The following ST7 variants were observed in gnomAD, a reference collection of about 807,000 sequenced individuals.
ST7 encodes suppression of tumorigenicity 7, also known as suppressor of tumorigenicity 7 protein.
ST7 carries 28 observed loss-of-function variants against 78.7 expected under a neutral mutation model. The ratio of observed to expected loss-of-function variants is 0.36; its 90% confidence interval spans 0.26 to 0.49. The LOEUF (loss-of-function observed/expected upper bound fraction) is 0.49. ST7 is among the 20% of genes least tolerant of loss of function. The pLI is 0.99. For synonymous variants in ST7, 247 were observed against 249.6 expected, an observed-to-expected ratio of 0.99 and a Z score of 0.10; for missense variants, 418 against 696.0, an observed-to-expected ratio of 0.60 and a Z score of 4.49.
chr7:117,157,394 G>T (rs1481665757), intron 9 of ST7, among the ~76,000 whole-genome samples: 5 of 152,214 alleles, frequency 3.3e-5, no homozygotes, highest in Admixed American at 3.3e-4. Flanking sequence ...TTCCAGGAGG[G>T]TTCAGTGGAA....
intron 1 of ST7, among the ~76,000 whole-genome samples, chr7:116,999,815 T>TC (rs1794840032): frequency 2.1e-5 from 3 of 141,722 alleles, no homozygotes; most frequent in Non-Finnish European, 3.1e-5. Context: ...TTTCTTTTTT[T>TC]TTTTTTTTTT....
chr7:117,070,787 C>T (rs1210454605), intron 1 of ST7, among the ~76,000 whole-genome samples: 1 of 152,038 alleles, frequency 6.6e-6, no homozygotes, highest in Admixed American at 6.5e-5. Context: ...TTGTGATCCG[C>T]CCGCCTCGGC....
chr7:117,118,151 T>C (rs1803048451), intron 2 of ST7, among the ~76,000 whole-genome samples: 1 of 152,228 alleles, frequency 6.6e-6, no homozygotes, highest in African/African-American at 2.4e-5. Flanking sequence ...CTCCAAAATC[T>C]GAAACTTTTT....
intron 9 of ST7, among the ~76,000 whole-genome samples, chr7:117,149,846 A>T (rs1806113752): frequency 6.6e-6 from 1 of 152,040 alleles, no homozygotes; most frequent in African/African-American, 2.4e-5. Flanking sequence ...CTATCTAGGG[A>T]TGATTGCCTG....
At position 117,098,799 on chromosome 7, in the gene ST7, C is replaced by T. The variant is rs1005194514; in HGVS notation, c.152-963C>T. 3.8e-6 allele frequency: 5 copies of T among 1,301,944 alleles called. No individual in the cohort carries two copies. In the African/African-American group the frequency reaches 7.6e-5, roughly 20 times the overall value. The allele number at this position is 1,301,944 out of a possible 1,614,324, so 80.6% of individuals were successfully genotyped here. On this transcript the variant is annotated intron_variant, in intron 1 of 15. Transcript: ENST00000323984. The stretch of plus-strand genomic sequence containing the variant: ...CAGATTCAGTAAAGAAATGTGAATA[C>T]TCCCACAAAAAGCCCAGTAAGTATG...
intron 1 of ST7, among the ~76,000 whole-genome samples, chr7:117,099,062 A>AAAAAAAAAAAAAAAAAAAAG (rs1801357578): frequency 7.0e-6 from 1 of 142,456 alleles, no homozygotes; most frequent in African/African-American, 2.7e-5. Context: ...AAAAAAAAAA[A>AAAAAAAAAAAAAAAAAAAAG]AAACAAAAAA....
intron 2 of ST7, chr7:117,117,788 C>T (rs1324724103): frequency 1.3e-5 from 2 of 152,118 alleles, no homozygotes; most frequent in Non-Finnish European, 2.9e-5. Flanking sequence ...GCAGCAGGCA[C>T]CGACTTAGGT....
intron 1 of ST7, among the ~76,000 whole-genome samples, chr7:117,055,843 T>C (rs549391515): frequency 5.0e-4 from 76 of 152,286 alleles, no homozygotes; most frequent in Non-Finnish European, 8.1e-4. Context: ...AGGATAGATA[T>C]ACATATATAT....
chr7:117,150,672 T>A (rs1806173943), intron 9 of ST7, among the ~76,000 whole-genome samples: 1 of 152,210 alleles, frequency 6.6e-6, no homozygotes, highest in South Asian at 2.1e-4. Flanking sequence ...GCCGTCTCAC[T>A]TGGCCATCAA....
In ST7 at chr7:117,229,927, C is replaced by A; in HGVS notation, c.*70C>A. The stretch of plus-strand genomic sequence containing the variant: ...CTCCTCTGTGCCAACTCCTTGTGGA[C>A]CGCAAGAAAGCATGACTTTGAAAAA... On this transcript the variant is annotated 3_prime_UTR_variant, in exon 16 of 16. Transcript: ENST00000323984. The A allele has an allele frequency of 7.7e-7, 1 of 1,295,092 alleles. No individual in the cohort carries two copies. Among genetic ancestry groups the A allele is most frequent in the Non-Finnish European group, 1.1e-6 (1 of 888,946 alleles). The allele number at this position is 1,295,092 out of a possible 1,614,324, so 80.2% of individuals were successfully genotyped here.
In ST7 at chr7:117,126,863, C is replaced by T. The variant is rs145696628; in HGVS notation, c.395-2930C>T. 2.1e-4 allele frequency among the ~76,000 whole-genome samples: 32 copies of T among 151,918 alleles called. No homozygotes were observed. The East Asian group carries it at 4.8e-3, about 23-fold the overall frequency. ...TTATGACAAAGTAGGGAATCTCTTCCGCAGACTTTGGGAACTAAGCAAGTG... is the reference window on the plus strand; with the variant it reads ...TTATGACAAAGTAGGGAATCTCTTCTGCAGACTTTGGGAACTAAGCAAGTG... On this transcript the variant is annotated intron_variant, in intron 3 of 15. Coordinates refer to ENST00000323984, the MANE Select transcript of ST7 (RefSeq NM_001369598.1).
chr7:117,104,789 T>G (rs1156640054), intron 2 of ST7, among the ~76,000 whole-genome samples: 1 of 152,206 alleles, frequency 6.6e-6, no homozygotes, highest in East Asian at 1.9e-4. Context: ...AAACTTCCCC[T>G]TCATCCTTGA....
chr7:117,089,812 C>T (rs181202641), intron 1 of ST7, among the ~76,000 whole-genome samples: 58 of 152,172 alleles, frequency 3.8e-4, no homozygotes, highest in Admixed American at 1.2e-3. Flanking sequence ...CCTTGTGATC[C>T]TCCCGCCTCG....
intron 1 of ST7, among the ~76,000 whole-genome samples, chr7:116,982,118 C>T (rs962297619): frequency 6.6e-6 from 1 of 152,218 alleles, no homozygotes; most frequent in Non-Finnish European, 1.5e-5. Context: ...CACTGTTTAA[C>T]GTGGTCTGTC....
chr7:117,167,110 G>T (rs1171420540), intron 9 of ST7, among the ~76,000 whole-genome samples: 2 of 149,734 alleles, frequency 1.3e-5, no homozygotes, highest in Non-Finnish European at 3.0e-5. Flanking sequence ...TAGGGTACAT[G>T]TGCACATTGT....
At chr7:117,041,315 T>G (rs1236871470) in intron 1 of ST7, among the ~76,000 whole-genome samples, 3 of 152,014 alleles carry the variant, frequency 2.0e-5, no homozygotes, top group Admixed American at 6.6e-5. Context: ...ATTACTGGAG[T>G]GTTCTGCTTT....
chr7:117,117,792 C>T (rs1174718863), intron 2 of ST7: 4 of 152,142 alleles, frequency 2.6e-5, no homozygotes, highest in Non-Finnish European at 5.9e-5. Flanking sequence ...CAGGCACCGA[C>T]TTAGGTGTTT....
intron 3 of ST7, among the ~76,000 whole-genome samples, chr7:117,123,404 G>A (rs767475429): frequency 2.0e-5 from 3 of 152,130 alleles, no homozygotes; most frequent in Non-Finnish European, 2.9e-5. Flanking sequence ...TTCTGGATTT[G>A]TACAAAGTGG....
At chr7:117,025,915 A>T (rs938542523) in intron 1 of ST7, among the ~76,000 whole-genome samples, 1 of 152,186 alleles carries the variant, frequency 6.6e-6, no homozygotes, top group African/African-American at 2.4e-5. Flanking sequence ...ATGGAGTAAA[A>T]ATATGCAATG....
Sources: gnomAD v4.1 joint callset for allele counts (sites outside exome capture counted in the v4.1 genomes callset) on GRCh38, gnomAD v4.1.1 for gene constraint, MANE v1.5 for transcripts, NCBI Gene and HGNC (gene_info 2026-07-23, HGNC 2026-07-21) for gene names.